Variants in STK17B observed in about 807,000 individuals in gnomAD.
STK17B encodes the protein serine/threonine kinase 17b.
STK17B carries 21 observed loss-of-function variants against 42.0 expected under a neutral mutation model. That is an observed-to-expected ratio of 0.50 (90% CI 0.35 to 0.72). The LOEUF (loss-of-function observed/expected upper bound fraction) is 0.72, where lower values mean the gene tolerates loss of function less well. Ranked by LOEUF, STK17B falls within the 30% of genes least tolerant of loss-of-function variation. The pLI is 0.00. For missense variants in STK17B, 349 were observed against 446.0 expected (o/e 0.78, Z 1.96); for synonymous variants, 143 against 148.4 (o/e 0.96, Z 0.26).
At chr2:196,152,645 GATGCCTATGAACTA>G (rs1217248621) in intron 3 of STK17B, among the ~76,000 whole-genome samples, 1 of 152,166 alleles carries the variant, frequency 6.6e-6, no homozygotes, top group Non-Finnish European at 1.5e-5. Context: ...TAGTCAAAAA[GATGCCTATGAACTA>G]ATGTAGAATG....
chr2:196,139,856 A>C (rs1304775831), intron 6 of STK17B, 57 bp from the exon 7 acceptor site: 4 of 1,252,658 alleles, frequency 3.2e-6, no homozygotes, highest in African/African-American at 1.5e-5. Context: ...CATTTATACA[A>C]AGTACAATCG....
intron 4 of STK17B, 26 bp downstream of exon 4, chr2:196,145,885 C>A: frequency 6.5e-7 from 1 of 1,535,278 alleles, no homozygotes; most frequent in Non-Finnish European, 8.7e-7. Flanking sequence ...ACAGATGTTG[C>A]ATTACTTTAA....
intron 7 of STK17B, 64 bp from the exon 8 acceptor site, chr2:196,137,793 T>G: frequency 6.6e-7 from 1 of 1,525,198 alleles, no homozygotes. Context: ...GTCTTCAGTT[T>G]GATAGATTAT....
chr2:196,145,803 A>C (rs2271887), intron 4 of STK17B, 108 bp downstream of exon 4: 747,979 of 1,138,752 alleles, frequency 0.66, 248,619 homozygotes, highest in East Asian at 0.92. Context: ...GCAGTCTAGA[A>C]GACCAGGAAC....
chr2:196,139,255 C>T (rs992712286), intron 7 of STK17B, among the ~76,000 whole-genome samples: 3 of 152,278 alleles, frequency 2.0e-5, no homozygotes, highest in Non-Finnish European at 4.4e-5. Context: ...TGAGCCACCG[C>T]GCCCGGCCGT....
intron 3 of STK17B, among the ~76,000 whole-genome samples, chr2:196,155,561 T>C (rs3792233): frequency 0.052 from 7,857 of 152,058 alleles, 247 homozygotes; most frequent in East Asian, 0.089. Context: ...TAGTTAGCAA[T>C]ACATTTTTTA....
rs191694855 is a variant in STK17B, at chr2:196,155,185, G to A, written c.335+1254C>T. Among the ~76,000 whole-genome samples, 3 of 152,308 alleles carry A rather than the reference G, an allele frequency of 2.0e-5. No homozygotes were observed. In the East Asian group the frequency reaches 5.8e-4, roughly 29 times the overall value. On this transcript the variant is annotated intron_variant, in intron 3 of 7. Transcript: ENST00000263955. ...CACACTTCAAACATGCAGATGTTAT[G>A]CAAGTAGGTAACTTTTTAAAGGTCA...
rs1268378755 is a variant in STK17B at position 196,134,908 on chromosome 2, G to T, written c.*2539C>A. ...TAAGAATTGAATCATTTGCTAAAAA[G>T]CTCTTAAATGATTGGTCTATTTTCA... is the stretch of plus-strand genomic sequence containing the variant. On this transcript the variant is annotated 3_prime_UTR_variant, in exon 8 of 8. Transcript: ENST00000263955. 6.6e-6 allele frequency: 1 copy of T among 152,128 alleles called. No homozygotes were observed. The highest frequency in any genetic ancestry group is 1.5e-5 in the Non-Finnish European group (1 of 68,012). 9.4% of individuals were successfully genotyped at this position (152,128 alleles called of 1,614,324 possible).
chr2:196,143,471 G>A (rs570791525), intron 5 of STK17B, 89 bp downstream of exon 5: 48 of 1,254,792 alleles, frequency 3.8e-5, no homozygotes, highest in Non-Finnish European at 4.6e-5. Flanking sequence ...TAACTGAATC[G>A]AATTACATGC....
intron 7 of STK17B, 55 bp from the exon 8 acceptor site, chr2:196,137,784 T>C (rs894951351): frequency 6.4e-7 from 1 of 1,551,084 alleles, no homozygotes; most frequent in Admixed American, 2.0e-5. Context: ...GTTGAAAATG[T>C]CTTCAGTTTG....
intron 1 of STK17B, 141 bp from the exon 2 acceptor site, chr2:196,163,568 A>C: frequency 3.4e-6 from 2 of 583,996 alleles, no homozygotes; most frequent in Non-Finnish European, 5.1e-6. Context: ...CAAGGAGGAA[A>C]AAACAAAAAG....
chr2:196,152,340 C>T lies in STK17B; in HGVS notation c.335+4099G>A, dbSNP rs116876446. 0.018 allele frequency among the ~76,000 whole-genome samples: 2,757 copies of T among 152,254 alleles called. 227 individuals carry two copies. The East Asian group carries it at 0.26, about 15-fold the overall frequency. On this transcript the variant is annotated intron_variant, in intron 3 of 7. Transcript: ENST00000263955. ...GCCAGAATAGTCTCCATCTCCTGAC[C>T]TCATGATCCTCCTGCCCTGGCCTCC...
chr2:196,171,194 G>GA (rs1324691864), intron 1 of STK17B, 139 bp downstream of exon 1: 1 of 152,216 alleles, frequency 6.6e-6, no homozygotes, highest in Non-Finnish European at 1.5e-5. Flanking sequence ...AGGGGCGGCG[G>GA]AGTCCAAGCC....
intron 2 of STK17B, among the ~76,000 whole-genome samples, chr2:196,157,873 AAATT>A (rs1196383881): frequency 2.0e-5 from 3 of 152,212 alleles, no homozygotes; most frequent in Non-Finnish European, 4.4e-5. Flanking sequence ...TTATTTTGGG[AAATT>A]AATAAAAGCT....
chr2:196,150,593 AT>A, intron 3 of STK17B, among the ~76,000 whole-genome samples: 1 of 152,222 alleles, frequency 6.6e-6, no homozygotes. Flanking sequence ...AAAATGATAG[AT>A]TTCTGTGAGT....
At chr2:196,146,079 A>G in intron 3 of STK17B, 24 bp from the exon 4 acceptor site, 2 of 1,558,204 alleles carry the variant, frequency 1.3e-6, no homozygotes, top group Non-Finnish European at 1.7e-6. Flanking sequence ...CAAAGAACAG[A>G]GACTTGAAAA....
At chr2:196,168,425 G>C (rs1476853795) in intron 1 of STK17B, among the ~76,000 whole-genome samples, 3 of 152,164 alleles carry the variant, frequency 2.0e-5, no homozygotes, top group Non-Finnish European at 2.9e-5. Flanking sequence ...GGAAAATTGG[G>C]TTTCTGTTGT....
intron 6 of STK17B, among the ~76,000 whole-genome samples, chr2:196,140,911 G>A (rs1236929820): frequency 6.6e-6 from 1 of 152,082 alleles, no homozygotes; most frequent in Non-Finnish European, 1.5e-5. Context: ...GGTGGAGCCC[G>A]GCAATGGACT....
intron 6 of STK17B, 22 bp from the exon 7 acceptor site, chr2:196,139,821 C>CTTAAA (rs1699468072): frequency 1.5e-6 from 2 of 1,332,182 alleles, no homozygotes; most frequent in Non-Finnish European, 1.9e-6. Flanking sequence ...GGGAGGGGAA[C>CTTAAA]TTAAAATGTA....
Sources: gnomAD v4.1 joint callset for allele counts (sites outside exome capture counted in the v4.1 genomes callset) on GRCh38, gnomAD v4.1.1 for gene constraint, MANE v1.5 for transcripts, NCBI Gene and HGNC (gene_info 2026-07-23, HGNC 2026-07-21) for gene names.